The following HCN3 variants were observed in gnomAD, a reference collection of about 807,000 sequenced individuals.
HCN3 encodes hyperpolarization activated cyclic nucleotide gated potassium channel 3, also known as potassium/sodium hyperpolarization-activated cyclic nucleotide-gated channel 3.
A neutral mutation model predicts 56.8 loss-of-function variants in HCN3; 36 were observed. The observed-to-expected ratio is 0.63, with a 90% CI of 0.49 to 0.84. The LOEUF is 0.84. Ranked by LOEUF, HCN3 falls within the 40% of genes least tolerant of loss-of-function variation. The pLI, the probability that HCN3 is intolerant of heterozygous loss-of-function variation, is 0.00. For missense variants in HCN3, 930 were observed against 1,079.3 expected (o/e 0.86, Z 1.94); for synonymous variants, 425 against 439.7 (o/e 0.97, Z 0.42).
In HCN3 at chr1:155,284,366, C is replaced by A; in HGVS notation, c.871-173C>A. 2.4e-6 allele frequency: 2 copies of A among 849,116 alleles called. No homozygotes were observed. Among genetic ancestry groups the A allele is most frequent in the Non-Finnish European group, 3.5e-6 (2 of 564,094 alleles). The allele number at this position is 849,116 out of a possible 1,614,324, so 52.6% of individuals were successfully genotyped here. On this transcript the variant is annotated intron_variant, in intron 3 of 7. Coordinates refer to ENST00000368358, the MANE Select transcript of HCN3 (RefSeq NM_020897.3). This position sits in a 1 kb window ranked among gnomAD's most constrained non-coding sequence, Gnocchi z 4.3. ...CCCGGAAGCTGAGGCCCCCAAGTTGCAATAGAGGACCCTTTTGCCTCAGGG... is the reference window on the plus strand; with the variant it reads ...CCCGGAAGCTGAGGCCCCCAAGTTGAAATAGAGGACCCTTTTGCCTCAGGG...
At position 155,288,303 on chromosome 1, in the gene HCN3, G is replaced by C. The variant is rs201982885; in HGVS notation, c.2165G>C (p.Arg722Pro). Reference protein sequence around the residue: ...LSASQPSLPQRATGDGSPGRK... With the variant: ...LSASQPSLPQPATGDGSPGRK... ...GCCTCCCAACCCTCTCTGCCTCAGC[G>C]GGCAACAGGCGATGGCTCTCCTGGG... Residue 722 changes from arginine (R) to proline (P), a missense_variant, in exon 8 of 8, where the codon CGG (arginine) becomes CCG (proline). By Grantham distance (103) the Arg-to-Pro change is moderately radical (BLOSUM62 -2). Coordinates refer to ENST00000368358, the MANE Select transcript of HCN3 (RefSeq NM_020897.3). This position sits in a 1 kb window ranked among gnomAD's most constrained non-coding sequence, Gnocchi z 6.5. 6.2e-7 allele frequency: 1 copy of C among 1,612,642 alleles called. No individual in the cohort carries two copies. The highest frequency in any genetic ancestry group is 1.1e-5 in the South Asian group (1 of 91,054).
chr1:155,284,429 G>A lies in HCN3; in HGVS notation c.871-110G>A. ...AAACTTAAGTGCCTGCCAGGAGGAA[G>A]GCCTGCAGTAGAAGGGGCAGACAGA... is the stretch of plus-strand genomic sequence containing the variant. On this transcript the variant is annotated intron_variant, in intron 3 of 7. Transcript: ENST00000368358. This position sits in a 1 kb window ranked among gnomAD's most constrained non-coding sequence, Gnocchi z 4.3. The A allele has an allele frequency of 8.3e-7, 1 of 1,209,506 alleles. No homozygotes were observed. The highest frequency in any genetic ancestry group is 1.1e-6 in the Non-Finnish European group (1 of 879,236). The allele number at this position is 1,209,506 out of a possible 1,614,324, so 74.9% of individuals were successfully genotyped here. A position where few individuals can be genotyped will look rare whatever the true frequency, so the allele number is the denominator to read the frequency against.
Position 155,282,448 on chromosome 1 carries a change from G to A in HCN3, c.316G>A (p.Gly106Arg), listed in dbSNP as rs960904131. Residue 106 changes from glycine (G) to arginine (R), a missense_variant, in exon 2 of 8, where the codon GGG becomes AGG. Gly to Arg is a moderately radical substitution (Grantham distance 125). Transcript: ENST00000368358. This position sits in a 1 kb window ranked among gnomAD's most constrained non-coding sequence, Gnocchi z 4.7. The part of the protein sequence containing the change: ...WDLIMLLLMV[G>R]NLIVLPVGIT... ...CCTGATCATGCTGCTGCTGATGGTGGGGAACCTCATCGTCCTGCCTGTGGG... is the reference window on the plus strand; with the variant it reads ...CCTGATCATGCTGCTGCTGATGGTGAGGAACCTCATCGTCCTGCCTGTGGG... The A allele has an allele frequency of 3.1e-6, 5 of 1,614,100 alleles. No individual in the cohort carries two copies. The highest frequency in any genetic ancestry group is 3.4e-6 in the Non-Finnish European group (4 of 1,180,042).
At position 155,288,619 on chromosome 1, in the gene HCN3, T is replaced by C; in HGVS notation, c.*156T>C. ...CGCATACTGCCATGAAGACGGTCTC[T>C]GTGTCCTCAGCTCAAGAATCCTGTA... is the stretch of plus-strand genomic sequence containing the variant. On this transcript the variant is annotated 3_prime_UTR_variant, in exon 8 of 8. Coordinates refer to ENST00000368358, the MANE Select transcript of HCN3 (RefSeq NM_020897.3). The surrounding 1 kb of genome is among the most constrained non-coding windows in gnomAD (Gnocchi z 6.5). The C allele has an allele frequency of 1.1e-6, 1 of 913,934 alleles. No individual in the cohort carries two copies. The highest frequency in any genetic ancestry group is 1.7e-5 in the African/African-American group (1 of 59,694). The allele number at this position is 913,934 out of a possible 1,614,324, so 56.6% of individuals were successfully genotyped here. A position where few individuals can be genotyped will look rare whatever the true frequency, so the allele number is the denominator to read the frequency against.
At position 155,287,923 on chromosome 1, in the gene HCN3, G is replaced by A; in HGVS notation, c.1785G>A (p.Gln595=). The part of the protein sequence containing the change: ...VRGRAPSTGA[Q]LSGKPVLWEP... ...GTCGGGCCCCGAGCACAGGAGCTCA[G>A]CTTAGTGGAAAGCCAGTACTGTGGG... The change falls in exon 8 of 8, where the codon CAG becomes CAA. Residue 595 remains glutamine (Q), a synonymous_variant. Coordinates refer to ENST00000368358, the MANE Select transcript of HCN3 (RefSeq NM_020897.3). 4 of 1,614,054 alleles carry A rather than the reference G, an allele frequency of 2.5e-6. No individual in the cohort carries two copies. Among genetic ancestry groups the A allele is most frequent in the East Asian group, 2.2e-5 (1 of 44,866 alleles).
At position 155,282,609 on chromosome 1, in the gene HCN3, G is replaced by A; in HGVS notation, c.477G>A (p.Leu159=). ...IVVEEGAEIL[L]APRAIRTRYL... is the part of the protein sequence containing the mutation. ...TGGAGGAGGGTGCTGAGATCCTGCT[G>A]GCACCGCGGGCCATCCGCACGCGCT... The change falls in exon 2 of 8, where the codon CTG becomes CTA. Residue 159 remains leucine, a synonymous_variant. Transcript: ENST00000368358. This position sits in a 1 kb window ranked among gnomAD's most constrained non-coding sequence, Gnocchi z 4.7. 1.9e-6 allele frequency: 3 copies of A among 1,614,252 alleles called. No individual in the cohort carries two copies. Among genetic ancestry groups the A allele is most frequent in the South Asian group, 2.2e-5 (2 of 91,090 alleles).
chr1:155,285,202 T>C lies in HCN3; in HGVS notation c.1127T>C (p.Leu376Pro). The C allele has an allele frequency of 6.2e-7, 1 of 1,614,196 alleles. No homozygotes were observed. The highest frequency in any genetic ancestry group is 8.5e-7 in the Non-Finnish European group (1 of 1,180,030). ...QVEQYMSFHKLPADTRQRIHE... is the reference protein window; with the variant it reads ...QVEQYMSFHKPPADTRQRIHE... ...GAGCAGTACATGTCCTTCCACAAGCTGCCAGCAGACACGCGGCAGCGCATC... is the reference window on the plus strand; with the variant it reads ...GAGCAGTACATGTCCTTCCACAAGCCGCCAGCAGACACGCGGCAGCGCATC... The change falls in exon 5 of 8, where the codon CTG becomes CCG. Residue 376 changes from leucine (L) to proline (P), a missense_variant. Coordinates refer to ENST00000368358, the MANE Select transcript of HCN3 (RefSeq NM_020897.3). The surrounding 1 kb of genome is among the most constrained non-coding windows in gnomAD (Gnocchi z 4.5).
intron 1 of HCN3, among the ~76,000 whole-genome samples, chr1:155,280,264 T>A (rs201036045): frequency 3.6e-4 from 53 of 148,402 alleles, no homozygotes; most frequent in Admixed American, 1.1e-3. Flanking sequence ...TATTTATTTA[T>A]TTTATTTATT....
intron 6 of HCN3, among the ~76,000 whole-genome samples, 156 bp downstream of exon 6, chr1:155,286,120 G>A (rs1218299313): frequency 6.6e-6 from 1 of 152,086 alleles, no homozygotes; most frequent in Non-Finnish European, 1.5e-5. Context: ...GCTGGGGTCT[G>A]GAGCTCTATA....
rs550040482 is a variant in HCN3 at position 155,285,124 on chromosome 1, C to T, written c.1090-41C>T. On this transcript the variant is annotated intron_variant, in intron 4 of 7. Transcript: ENST00000368358. The surrounding 1 kb of genome is among the most constrained non-coding windows in gnomAD (Gnocchi z 4.5). ...CCCACTGTGCCGGCCCCAAATCTCT[C>T]CCTCTGTCCTCTTGCCCCTGGCAAT... 1.2e-6 allele frequency: 2 copies of T among 1,603,774 alleles called. No homozygotes were observed. Among genetic ancestry groups the T allele is most frequent in the Admixed American group, 3.4e-5 (2 of 59,248 alleles).
chr1:155,285,977 C>A lies in HCN3; in HGVS notation c.1477+13C>A, dbSNP rs1283406948. On this transcript the variant is annotated intron_variant, in intron 6 of 7. Coordinates refer to ENST00000368358, the MANE Select transcript of HCN3 (RefSeq NM_020897.3). This position sits in a 1 kb window ranked among gnomAD's most constrained non-coding sequence, Gnocchi z 4.5. ...TCCTACTTTGGGGGTCAGCAGGCCT[C>A]AGGGAGGGTGGCAGGGTCACGAGCA... The A allele has an allele frequency of 6.4e-7, 1 of 1,565,024 alleles. No homozygotes were observed. Among genetic ancestry groups the A allele is most frequent in the Admixed American group, 1.8e-5 (1 of 56,864 alleles).
In HCN3 at chr1:155,287,183, G is replaced by A. The variant is rs1255887088; in HGVS notation, c.1488G>A (p.Leu496=). ...TDGSYFGEIC[L]LTRGRRTASV... Reference sequence around the variant, plus strand: ...TCCCAATTTCTGCAGAGATCTGCCTGCTAACTAGGGGCCGGCGCACAGCCA... The same window carrying A: ...TCCCAATTTCTGCAGAGATCTGCCTACTAACTAGGGGCCGGCGCACAGCCA... The change falls in exon 7 of 8, where the codon CTG becomes CTA. Residue 496 remains leucine (L), a synonymous_variant. Coordinates refer to ENST00000368358, the MANE Select transcript of HCN3 (RefSeq NM_020897.3). The A allele has an allele frequency of 6.2e-7, 1 of 1,613,046 alleles. No homozygotes were observed. The highest frequency in any genetic ancestry group is 8.5e-7 in the Non-Finnish European group (1 of 1,179,942).
chr1:155,282,858 C>A lies in HCN3; in HGVS notation c.708+18C>A, dbSNP rs199853030. 9 of 295,140 alleles carry A rather than the reference C, an allele frequency of 3.0e-5. No individual in the cohort carries two copies. Among genetic ancestry groups the A allele is most frequent in the Non-Finnish European group, 4.9e-5 (9 of 184,150 alleles). 18.3% of individuals were successfully genotyped at this position (295,140 alleles called of 1,614,324 possible). On this transcript the variant is annotated intron_variant, in intron 2 of 7. Coordinates refer to ENST00000368358, the MANE Select transcript of HCN3 (RefSeq NM_020897.3). The surrounding 1 kb of genome is among the most constrained non-coding windows in gnomAD (Gnocchi z 4.7). ...GGGAGGAGGTGGGGTGGGGAGATGGCGGGCGGGGCAGTGGGTGGGGGATGT... is the reference window on the plus strand; with the variant it reads ...GGGAGGAGGTGGGGTGGGGAGATGGAGGGCGGGGCAGTGGGTGGGGGATGT...
rs756003377 is a variant in HCN3 at position 155,282,579 on chromosome 1, C to G, written c.447C>G (p.Ile149Met). The G allele has an allele frequency of 1.9e-6, 3 of 1,614,254 alleles. No individual in the cohort carries two copies. Among genetic ancestry groups the G allele is most frequent in the Non-Finnish European group, 2.5e-6 (3 of 1,180,052 alleles). Residue 149 changes from isoleucine (I) to methionine (M), a missense_variant, in exon 2 of 8, where the codon ATC becomes ATG. Physicochemically the swap from Ile to Met is conservative, Grantham distance 10. Coordinates refer to ENST00000368358, the MANE Select transcript of HCN3 (RefSeq NM_020897.3). This position sits in a 1 kb window ranked among gnomAD's most constrained non-coding sequence, Gnocchi z 4.7. ...TGGTGCTCAACTTCCGAACGGGCAT[C>G]GTGGTGGAGGAGGGTGCTGAGATCC... is the stretch of plus-strand genomic sequence containing the variant. ...LDLVLNFRTG[I>M]VVEEGAEILL...
In HCN3 at chr1:155,288,673, T is replaced by G; in HGVS notation, c.*210T>G. 1.6e-6 allele frequency: 1 copy of G among 630,202 alleles called. No homozygotes were observed. The highest frequency in any genetic ancestry group is 2.7e-6 in the Non-Finnish European group (1 of 376,670). 39.0% of individuals were successfully genotyped at this position (630,202 alleles called of 1,614,324 possible). A position where few individuals can be genotyped will look rare whatever the true frequency, so the allele number is the denominator to read the frequency against. ...TGTCCCATCATAATCCATTCACCCG[T>G]TCATCATGTGTACTGAGCAGCTACC... On this transcript the variant is annotated 3_prime_UTR_variant, in exon 8 of 8. Coordinates refer to ENST00000368358, the MANE Select transcript of HCN3 (RefSeq NM_020897.3). The surrounding 1 kb of genome is among the most constrained non-coding windows in gnomAD (Gnocchi z 6.5).
At position 155,277,854 on chromosome 1, in the gene HCN3, CT is replaced by C; in HGVS notation, c.265del (p.Tyr89ThrfsTer10). On this transcript the variant is annotated frameshift_variant, in exon 1 of 8. Coordinates refer to ENST00000368358, the MANE Select transcript of HCN3 (RefSeq NM_020897.3). LOFTEE classifies it high-confidence loss of function. ...CAGCGGGGGCCTGGATCATCCACCCCTACAGCGACTTCCGGTATTGGGGGCT... is the reference window on the plus strand; with the variant it reads ...CAGCGGGGGCCTGGATCATCCACCCCACAGCGACTTCCGGTATTGGGGGCT... ...KSAGAWIIHP[Y>X]SDFRFYWDLI... 1 of 1,612,000 alleles carries C rather than the reference CT, an allele frequency of 6.2e-7. No individual in the cohort carries two copies. The highest frequency in any genetic ancestry group is 8.5e-7 in the Non-Finnish European group (1 of 1,179,880).
Position 155,277,482 on chromosome 1 carries a change from CTCCGCTAGAGCCCGCGGG to C in HCN3, c.-108_-91del. 7.4e-7 allele frequency: 1 copy of C among 1,355,682 alleles called. No individual in the cohort carries two copies. Among genetic ancestry groups the C allele is most frequent in the Non-Finnish European group, 9.7e-7 (1 of 1,026,174 alleles). The allele number at this position is 1,355,682 out of a possible 1,614,324, so 84.0% of individuals were successfully genotyped here. On this transcript the variant is annotated 5_prime_UTR_variant, in exon 1 of 8. Transcript: ENST00000368358. The stretch of plus-strand genomic sequence containing the variant: ...GCCGGCGATTCCGAGCCTACGACGC[CTCCGCTAGAGCCCGCGGG>C]GCTGCGCCGACTCCTGCTCTGGAGG...
chr1:155,286,516 G>C (rs1320012844), intron 6 of HCN3, among the ~76,000 whole-genome samples: 3 of 152,176 alleles, frequency 2.0e-5, no homozygotes, highest in African/African-American at 4.8e-5. Flanking sequence ...CTGGGCCAGA[G>C]GGCCTTTTAG....
In HCN3 at chr1:155,288,116, G is replaced by A. The variant is rs371953490; in HGVS notation, c.1978G>A (p.Val660Ile). ...CTCTCCAGCTTCCCCGCTGGTGCCC[G>A]TCCGAGCTGGCCCATGGGCATCCAC... is the stretch of plus-strand genomic sequence containing the variant. ...AGSPASPLVP[V>I]RAGPWASTSR... The change falls in exon 8 of 8, where the codon GTC (valine) becomes ATC (isoleucine). Residue 660 changes from valine to isoleucine, a missense_variant. By Grantham distance (29) the Val-to-Ile change is conservative. Transcript: ENST00000368358. The surrounding 1 kb of genome is among the most constrained non-coding windows in gnomAD (Gnocchi z 6.5). The A allele has an allele frequency of 8.7e-6, 14 of 1,601,910 alleles. No homozygotes were observed. Among genetic ancestry groups the A allele is most frequent in the Non-Finnish European group, 1.0e-5 (12 of 1,176,824 alleles).
Sources: gnomAD v4.1 joint callset for allele counts (sites outside exome capture counted in the v4.1 genomes callset) on GRCh38, gnomAD v4.1.1 for gene constraint, Gnocchi (gnomAD v3.1) non-coding constraint, MANE v1.5 for transcripts, NCBI Gene and HGNC (gene_info 2026-07-23, HGNC 2026-07-21) for gene names.